SDK2: variants seen among roughly 807,000 people sequenced by gnomAD.
The protein encoded by SDK2 is sidekick cell adhesion molecule 2.
Under a neutral mutation model 253.9 loss-of-function variants are expected in SDK2, and 105 were observed. The observed-to-expected ratio is 0.41, with a 90% CI of 0.35 to 0.49. The LOEUF (loss-of-function observed/expected upper bound fraction) is 0.49. Ranked by LOEUF, SDK2 falls within the 20% of genes least tolerant of loss-of-function variation. SDK2 has a pLI of 0.06. For missense variants in SDK2, 2,608 were observed against 3,003.0 expected, an observed-to-expected ratio of 0.87 and a Z score of 3.07; for synonymous variants, 1,249 against 1,234.9, an observed-to-expected ratio of 1.01 and a Z score of -0.24.
chr17:73,387,970 C>G lies in SDK2; in HGVS notation c.4260G>C (p.Leu1420=). Residue 1420 remains leucine, a synonymous_variant, in exon 30 of 45, where the codon CTG becomes CTC. Transcript: ENST00000392650. ...QEDVRARSVL[L]SWEPGSDGLS... is the part of the protein sequence containing the mutation. ...GCCCGTCGCTCCCTGGCTCCCAGGA[C>G]AGCAGCACGCTGCGTGCTCTCACAT... The G allele has an allele frequency of 6.4e-7, 1 of 1,572,630 alleles. No homozygotes were observed. The highest frequency in any genetic ancestry group is 1.2e-5 in the South Asian group (1 of 85,422).
intron 2 of SDK2, among the ~76,000 whole-genome samples, chr17:73,475,432 G>A (rs757622683): frequency 3.3e-5 from 5 of 152,172 alleles, no homozygotes; most frequent in Admixed American, 6.5e-5. Flanking sequence ...GATTACAGGC[G>A]TGAGCCATGG....
At position 73,636,331 on chromosome 17, in the gene SDK2, A is replaced by C. The variant is rs1191170481; in HGVS notation, c.64+7694T>G. On this transcript the variant is annotated intron_variant, in intron 1 of 44. Coordinates refer to ENST00000392650, the MANE Select transcript of SDK2 (RefSeq NM_001144952.2). Reference sequence around the variant, plus strand: ...CCATGTCTGACAAGCAGAACTGTGCACCAAACGTGAGCTCGGGATGGAAGG... The same window carrying C: ...CCATGTCTGACAAGCAGAACTGTGCCCCAAACGTGAGCTCGGGATGGAAGG... Among the ~76,000 whole-genome samples the C allele has an allele frequency of 5.3e-5, 8 of 152,254 alleles. No homozygotes were observed. The East Asian group carries it at 1.4e-3, about 26-fold the overall frequency.
chr17:73,477,208 C>T (rs1406353587), intron 2 of SDK2, among the ~76,000 whole-genome samples: 8 of 152,310 alleles, frequency 5.3e-5, no homozygotes. Context: ...CAATGCGCTC[C>T]CTCCTGGGCC....
intron 40 of SDK2, among the ~76,000 whole-genome samples, chr17:73,355,199 C>T (rs1176556439): frequency 3.4e-4 from 10 of 29,122 alleles, no homozygotes; most frequent in Non-Finnish European, 5.3e-4. Context: ...TTTTTTTAGA[C>T]GGAGTCTCAC....
chr17:73,462,945 G>A (rs1400029020), intron 3 of SDK2, among the ~76,000 whole-genome samples: 1 of 152,196 alleles, frequency 6.6e-6, no homozygotes, highest in Non-Finnish European at 1.5e-5. Flanking sequence ...ATGTGTGTGT[G>A]TATGCCCCAC....
chr17:73,348,366 G>A (rs982832048), intron 44 of SDK2, among the ~76,000 whole-genome samples: 4 of 152,150 alleles, frequency 2.6e-5, no homozygotes, highest in African/African-American at 4.8e-5. Flanking sequence ...CGTCTTCTTC[G>A]GGGTACCCCC....
intron 39 of SDK2, among the ~76,000 whole-genome samples, chr17:73,359,613 G>A (rs572748350): frequency 2.6e-5 from 4 of 152,250 alleles, no homozygotes; most frequent in South Asian, 2.1e-4. Context: ...CCTGCAGACC[G>A]CCCCCTGCAC....
At chr17:73,448,571 A>G (rs190615062) in intron 4 of SDK2, among the ~76,000 whole-genome samples, 26 of 151,814 alleles carry the variant, frequency 1.7e-4, no homozygotes, top group East Asian at 1.4e-3. Context: ...TCACTTTGTT[A>G]GCCAGGATGG....
At chr17:73,349,057 G>A (rs1039639149) in intron 43 of SDK2, among the ~76,000 whole-genome samples, 6 of 152,204 alleles carry the variant, frequency 3.9e-5, no homozygotes, top group African/African-American at 1.4e-4. Flanking sequence ...TGGCTTTGGG[G>A]GCACACAGGG....
At chr17:73,564,239 G>A (rs992615339) in intron 1 of SDK2, among the ~76,000 whole-genome samples, 2 of 152,174 alleles carry the variant, frequency 1.3e-5, no homozygotes, top group Admixed American at 1.3e-4. Context: ...TAAAAATTCA[G>A]TTTCTCAGTA....
chr17:73,390,816 G>A (rs1374331373), intron 28 of SDK2, among the ~76,000 whole-genome samples: 2 of 152,210 alleles, frequency 1.3e-5, no homozygotes, highest in East Asian at 1.9e-4. Flanking sequence ...AGGTCTTTCT[G>A]GGCTAATGCA....
Position 73,361,197 on chromosome 17 carries a change from A to C in SDK2, c.5467+487T>G, listed in dbSNP as rs1235895197. 6.6e-6 allele frequency among the ~76,000 whole-genome samples: 1 copy of C among 152,062 alleles called. No individual in the cohort carries two copies. Among genetic ancestry groups the C allele is most frequent in the Non-Finnish European group, 1.5e-5 (1 of 68,014 alleles). ...CCAGGTCCCACCTCAGCCCCAGGAA[A>C]TCAACCCCTCGGAGCATCCACCCTG... is the stretch of plus-strand genomic sequence containing the variant. On this transcript the variant is annotated intron_variant, in intron 39 of 44. Coordinates refer to ENST00000392650, the MANE Select transcript of SDK2 (RefSeq NM_001144952.2). The surrounding 1 kb of genome is among the most constrained non-coding windows in gnomAD (Gnocchi z 4.1).
chr17:73,640,164 G>A (rs1351503790), intron 1 of SDK2, among the ~76,000 whole-genome samples: 1 of 152,092 alleles, frequency 6.6e-6, no homozygotes, highest in Non-Finnish European at 1.5e-5. Flanking sequence ...TGTAGAACAA[G>A]GTTCCTGGCC....
rs534232950 is a variant in SDK2 at position 73,342,334 on chromosome 17, C to T, written c.6166-3394G>A. The stretch of plus-strand genomic sequence containing the variant: ...TGACGCAATGCAGCACAATACAAGC[C>T]CCTTTCTGTGCCTACTGCCCAGCTG... On this transcript the variant is annotated intron_variant, in intron 44 of 44. Coordinates refer to ENST00000392650, the MANE Select transcript of SDK2 (RefSeq NM_001144952.2). 2.6e-5 allele frequency among the ~76,000 whole-genome samples: 4 copies of T among 152,256 alleles called. No individual in the cohort carries two copies. The South Asian group carries it at 8.3e-4, about 32-fold the overall frequency.
intron 12 of SDK2, among the ~76,000 whole-genome samples, chr17:73,424,439 G>A (rs1019124086): frequency 6.6e-6 from 1 of 152,176 alleles, no homozygotes; most frequent in Non-Finnish European, 1.5e-5. Flanking sequence ...GAGGCTGAAA[G>A]ATTACAGCTG....
At chr17:73,622,538 G>A (rs1437392486) in intron 1 of SDK2, among the ~76,000 whole-genome samples, 1 of 152,228 alleles carries the variant, frequency 6.6e-6, no homozygotes, top group Non-Finnish European at 1.5e-5. Context: ...CAGTGTTTGA[G>A]GAGGGAGGGA....
At chr17:73,562,849 A>G (rs1447858685) in intron 1 of SDK2, among the ~76,000 whole-genome samples, 1 of 152,274 alleles carries the variant, frequency 6.6e-6, no homozygotes, top group Non-Finnish European at 1.5e-5. Context: ...TCATCCTGGC[A>G]GCAGCCGCAC....
intron 3 of SDK2, among the ~76,000 whole-genome samples, chr17:73,468,526 T>G (rs2063620063): frequency 1.3e-5 from 2 of 152,078 alleles, no homozygotes; most frequent in African/African-American, 4.8e-5. Context: ...TTTTATTTAT[T>G]TTTGAGATGG....
At chr17:73,484,314 G>A (rs1024507166) in intron 2 of SDK2, among the ~76,000 whole-genome samples, 4 of 152,204 alleles carry the variant, frequency 2.6e-5, no homozygotes, top group Non-Finnish European at 4.4e-5. Flanking sequence ...CTCTGTGGCC[G>A]AATCATGGTG....
Sources: allele counts gnomAD v4.1 joint callset (sites outside exome capture counted in the v4.1 genomes callset), GRCh38; gene constraint gnomAD v4.1.1; non-coding constraint Gnocchi (gnomAD v3.1); transcripts MANE v1.5; gene names NCBI Gene and HGNC (gene_info 2026-07-23, HGNC 2026-07-21).